Variants in CDC34 observed in about 807,000 individuals in gnomAD.
The protein encoded by CDC34 is ubiquitin-conjugating enzyme E2 R1.
Under a neutral mutation model 26.8 loss-of-function variants are expected in CDC34, and 18 were observed. The observed-to-expected ratio is 0.67, with a 90% CI of 0.47 to 1.00. The LOEUF is 1.00. CDC34 is among the 50% of genes least tolerant of loss of function. The pLI, the probability that CDC34 is intolerant of heterozygous loss-of-function variation, is 0.00. For missense variants in CDC34, 280 were observed against 334.5 expected, an observed-to-expected ratio of 0.84 and a Z score of 1.27; for synonymous variants, 178 against 147.5, an observed-to-expected ratio of 1.21 and a Z score of -1.50.
In CDC34 at chr19:541,335, C is replaced by T; in HGVS notation, c.498-4C>T. The stretch of plus-strand genomic sequence containing the variant: ...TGGCGCCCTCACCCACCCTGTCCCC[C>T]CAGGAAGCAGGTCCTGGGGACCAAG... On this transcript the variant is annotated splice_region_variant and splice_polypyrimidine_tract_variant and intron_variant, in intron 4 of 4. Transcript: ENST00000215574. The T allele has an allele frequency of 6.4e-7, 1 of 1,558,876 alleles. No homozygotes were observed. Among genetic ancestry groups the T allele is most frequent in the Non-Finnish European group, 8.7e-7 (1 of 1,155,396 alleles).
At chr19:536,004 G>C (rs538351708) in intron 2 of CDC34, 81 bp downstream of exon 2, 63 of 1,381,740 alleles carry the variant, frequency 4.6e-5, no homozygotes, top group Non-Finnish European at 5.8e-5. Flanking sequence ...CATCCTTCCG[G>C]GACCCGGGGC....
At chr19:532,666 C>T (rs1979551130) in intron 1 of CDC34, among the ~76,000 whole-genome samples, 1 of 152,242 alleles carries the variant, frequency 6.6e-6, no homozygotes, top group South Asian at 2.1e-4. Context: ...CTCGCTCAGT[C>T]TCCAACAAAG....
intron 4 of CDC34, among the ~76,000 whole-genome samples, chr19:537,784 C>T (rs1979829751): frequency 6.6e-6 from 1 of 150,588 alleles, no homozygotes. Flanking sequence ...TCCTGCCAAG[C>T]AGCTGGGATT....
intron 1 of CDC34, among the ~76,000 whole-genome samples, chr19:534,208 G>T (rs1979620978): frequency 6.6e-6 from 1 of 152,134 alleles, no homozygotes; most frequent in Non-Finnish European, 1.5e-5. Context: ...CCGCAGGACA[G>T]TTCTGAGACT....
chr19:539,091 C>A, intron 4 of CDC34: 1 of 878,510 alleles, frequency 1.1e-6, no homozygotes, highest in Non-Finnish European at 1.4e-6. Flanking sequence ...GTCGCCGTTT[C>A]TGCCTGTTTT....
intron 1 of CDC34, 144 bp downstream of exon 1, chr19:532,252 C>A: frequency 1.8e-6 from 1 of 563,728 alleles, no homozygotes; most frequent in Non-Finnish European, 2.9e-6. Flanking sequence ...CTTCTATGGC[C>A]ACGTTCCCCC....
At chr19:538,500 C>T (rs950925448) in intron 4 of CDC34, among the ~76,000 whole-genome samples, 36 of 151,400 alleles carry the variant, frequency 2.4e-4, no homozygotes, top group African/African-American at 8.0e-4. Context: ...TTAATGGTTC[C>T]TGCTCTTCCT....
At position 531,915 on chromosome 19, in the gene CDC34, GC is replaced by G; in HGVS notation, c.-13del. The G allele has an allele frequency of 7.1e-7, 1 of 1,400,664 alleles. No individual in the cohort carries two copies. The highest frequency in any genetic ancestry group is 2.4e-4 in the Middle Eastern group (1 of 4,242). The allele number at this position is 1,400,664 out of a possible 1,614,324, so 86.8% of individuals were successfully genotyped here. A position where few individuals can be genotyped will look rare whatever the true frequency, so the allele number is the denominator to read the frequency against. On this transcript the variant is annotated 5_prime_UTR_variant, in exon 1 of 5. Transcript: ENST00000215574. ...CGGCCCCGCGCTGCTCCGACCCCGG[GC>G]CCCTCCGCCGCCGCCATGGCTCGGC... is the stretch of plus-strand genomic sequence containing the variant.
intron 1 of CDC34, among the ~76,000 whole-genome samples, chr19:533,217 G>A (rs1979578106): frequency 1.3e-5 from 2 of 152,066 alleles, no homozygotes; most frequent in Non-Finnish European, 2.9e-5. Flanking sequence ...CGAGCACCCT[G>A]TCCAGGAATC....
chr19:539,487 C>A (rs1006141060), intron 4 of CDC34, among the ~76,000 whole-genome samples: 2 of 152,216 alleles, frequency 1.3e-5, no homozygotes, highest in African/African-American at 2.4e-5. Context: ...TCCGCTGGGT[C>A]CCGCCACCCA....
Position 536,341 on chromosome 19 carries a change from G to C in CDC34, c.362+1G>C. 2 of 1,610,124 alleles carry C rather than the reference G, an allele frequency of 1.2e-6. No homozygotes were observed. Among genetic ancestry groups the C allele is most frequent in the Non-Finnish European group, 1.7e-6 (2 of 1,178,328 alleles). On this transcript the variant is annotated splice_donor_variant, in intron 3 of 4. Coordinates refer to ENST00000215574, the MANE Select transcript of CDC34 (RefSeq NM_004359.2). LOFTEE classifies it high-confidence loss of function. The stretch of plus-strand genomic sequence containing the variant: ...GGTGGAACCCCACGCAGAACGTCAG[G>C]TAAGCCGGCCCAACCCCCTGTGTCC...
At chr19:533,732 C>T (rs17841738) in intron 1 of CDC34, among the ~76,000 whole-genome samples, 2,890 of 152,304 alleles carry the variant, frequency 0.019, 79 homozygotes, top group African/African-American at 0.061. Context: ...GGGGATAATC[C>T]GGTTTTCCGG....
Position 531,828 on chromosome 19 carries a change from C to A in CDC34, c.-104C>A. 1.7e-6 allele frequency: 1 copy of A among 604,300 alleles called. No individual in the cohort carries two copies. The highest frequency in any genetic ancestry group is 2.2e-6 in the Non-Finnish European group (1 of 458,572). 37.4% of individuals were successfully genotyped at this position (604,300 alleles called of 1,614,324 possible). ...GCAGAGGAGGAGGCAGGCGGCGGCC[C>A]CGGTGGCTCCCCCCCGGACGGTGCG... On this transcript the variant is annotated 5_prime_UTR_variant, in exon 1 of 5. Transcript: ENST00000215574.
At chr19:532,175 C>T in intron 1 of CDC34, 67 bp downstream of exon 1, 1 of 1,301,952 alleles carries the variant, frequency 7.7e-7, no homozygotes. Context: ...GGAACCAGCT[C>T]CCTGCCCCGC....
At chr19:533,781 G>A (rs1424892524) in intron 1 of CDC34, among the ~76,000 whole-genome samples, 1 of 152,244 alleles carries the variant, frequency 6.6e-6, no homozygotes, top group African/African-American at 2.4e-5. Flanking sequence ...CTGCCACAGG[G>A]TCAGTCCTCA....
At chr19:536,791 C>T (rs994348234) in intron 3 of CDC34, 8 of 594,720 alleles carry the variant, frequency 1.3e-5, no homozygotes, top group Non-Finnish European at 2.4e-5. Flanking sequence ...ACGGAGGGGT[C>T]TGCACCTTGC....
chr19:537,172 G>A, intron 4 of CDC34, 25 bp downstream of exon 4: 5 of 1,610,808 alleles, frequency 3.1e-6, no homozygotes, highest in Non-Finnish European at 4.2e-6. Context: ...GGGCGTCACG[G>A]GAGGAGAGAC....
chr19:536,801 C>G (rs1029892985), intron 3 of CDC34: 1 of 602,870 alleles, frequency 1.7e-6, no homozygotes, highest in Non-Finnish European at 2.9e-6. Context: ...CTGCACCTTG[C>G]TGCCCTCCCT....
chr19:538,461 G>A (rs1033438160), intron 4 of CDC34, among the ~76,000 whole-genome samples: 2 of 152,140 alleles, frequency 1.3e-5, no homozygotes, highest in African/African-American at 4.8e-5. Flanking sequence ...TGTGTACAAA[G>A]ACAAGGCTTT....
Sources: allele counts gnomAD v4.1 joint callset (sites outside exome capture counted in the v4.1 genomes callset), GRCh38; gene constraint gnomAD v4.1.1; transcripts MANE v1.5; gene names NCBI Gene and HGNC (gene_info 2026-07-23, HGNC 2026-07-21).